TRIM71: variants seen among roughly 807,000 people sequenced by gnomAD.
TRIM71 encodes E3 ubiquitin-protein ligase TRIM71.
A neutral mutation model predicts 61.2 loss-of-function variants in TRIM71; 9 were observed. That is an observed-to-expected ratio of 0.15 (90% CI 0.09 to 0.26). The LOEUF (loss-of-function observed/expected upper bound fraction) is 0.26, where lower values mean the gene tolerates loss of function less well. Among genes scored for constraint, TRIM71 ranks in the 10% least tolerant of loss-of-function variants. The pLI is 1.00. For missense variants in TRIM71, 998 were observed against 1,238.7 expected (o/e 0.81, Z 2.92); for synonymous variants, 645 against 553.2 (o/e 1.17, Z -2.33).
chr3:32,844,111 G>A (rs34153794), intron 1 of TRIM71, among the ~76,000 whole-genome samples: 39,049 of 152,078 alleles, frequency 0.26, 5,421 homozygotes, highest in Middle Eastern at 0.33. Flanking sequence ...TCGTTATTTT[G>A]TGTGGTTGTG....
chr3:32,881,009 TTA>T lies in TRIM71; in HGVS notation c.1021-4919_1021-4918del, dbSNP rs58964867. On this transcript the variant is annotated intron_variant, in intron 2 of 3. Coordinates refer to ENST00000383763, the MANE Select transcript of TRIM71 (RefSeq NM_001039111.3). ...TTCAGAGAAAGATGTGATGAAAATT[TTA>T]TATATGTATATATATATATTTTTTT... Among the ~76,000 whole-genome samples, 1,367 of 151,860 alleles carry T rather than the reference TTA, an allele frequency of 9.0e-3. 22 individuals carry two copies. The highest frequency in any genetic ancestry group is 0.031 in the African/African-American group (1,276 of 41,376).
intron 2 of TRIM71, among the ~76,000 whole-genome samples, chr3:32,884,004 C>T (rs1455809965): frequency 6.6e-6 from 1 of 152,170 alleles, no homozygotes; most frequent in Non-Finnish European, 1.5e-5. Flanking sequence ...TCTGGATCTA[C>T]CCAGTTCCCC....
chr3:32,873,816 A>C lies in TRIM71; in HGVS notation c.853-2A>C. 1 of 1,561,844 alleles carries C rather than the reference A, an allele frequency of 6.4e-7. No homozygotes were observed. Among genetic ancestry groups the C allele is most frequent in the South Asian group, 1.2e-5 (1 of 83,414 alleles). The stretch of plus-strand genomic sequence containing the variant: ...TATGCCTGTACCCTCTCTTGTCCCC[A>C]GGTGCTGCACCTGTACTGTGACACT... On this transcript the variant is annotated splice_acceptor_variant, in intron 1 of 3. Transcript: ENST00000383763. LOFTEE classifies it high-confidence loss of function.
intron 3 of TRIM71, among the ~76,000 whole-genome samples, chr3:32,887,599 G>A (rs1351024648): frequency 1.4e-5 from 2 of 148,102 alleles, no homozygotes; most frequent in Non-Finnish European, 3.0e-5. Flanking sequence ...GTTACTTTAA[G>A]ATATATAAGT....
chr3:32,844,101 T>A (rs1019553213), intron 1 of TRIM71, among the ~76,000 whole-genome samples: 6 of 152,116 alleles, frequency 3.9e-5, no homozygotes, highest in Admixed American at 3.9e-4. Context: ...TCTCGCGTCG[T>A]CGTTATTTTG....
chr3:32,842,558 T>C (rs1696418404), intron 1 of TRIM71, among the ~76,000 whole-genome samples: 1 of 152,238 alleles, frequency 6.6e-6, no homozygotes, highest in African/African-American at 2.4e-5. Flanking sequence ...CCATGTATGC[T>C]CTGTCCCTTC....
intron 1 of TRIM71, among the ~76,000 whole-genome samples, chr3:32,867,511 G>A (rs114866330): frequency 0.012 from 1,763 of 152,060 alleles, 34 homozygotes; most frequent in African/African-American, 0.038. Flanking sequence ...GGAGTGCGGC[G>A]GTGCGATCAT....
rs982547685 is a variant in TRIM71, at chr3:32,897,304, A to G, written c.*5493A>G. ...TGTATTTGTCCAAGGCAGACATGAT[A>G]TAAGGAATATGCACTACCGTAGTAA... is the stretch of plus-strand genomic sequence containing the variant. On this transcript the variant is annotated 3_prime_UTR_variant, in exon 4 of 4. Coordinates refer to ENST00000383763, the MANE Select transcript of TRIM71 (RefSeq NM_001039111.3). The G allele has an allele frequency of 2.6e-5, 4 of 152,108 alleles. No individual in the cohort carries two copies. Among genetic ancestry groups the G allele is most frequent in the African/African-American group, 7.2e-5 (3 of 41,402 alleles). 9.4% of individuals were successfully genotyped at this position (152,108 alleles called of 1,614,324 possible).
Position 32,894,597 on chromosome 3 carries a change from A to G in TRIM71, c.*2786A>G, listed in dbSNP as rs961713674. ...ATGGTGCATGACTGGTATTTGAGAA[A>G]CATGGTCACATTTGGAAAGCTTTTG... On this transcript the variant is annotated 3_prime_UTR_variant, in exon 4 of 4. Coordinates refer to ENST00000383763, the MANE Select transcript of TRIM71 (RefSeq NM_001039111.3). 7.2e-5 allele frequency: 11 copies of G among 152,236 alleles called. No homozygotes were observed. The highest frequency in any genetic ancestry group is 2.7e-4 in the African/African-American group (11 of 41,466). 9.4% of individuals were successfully genotyped at this position (152,236 alleles called of 1,614,324 possible). A position where few individuals can be genotyped will look rare whatever the true frequency, so the allele number is the denominator to read the frequency against.
chr3:32,870,968 AT>A (rs537452978), intron 1 of TRIM71, among the ~76,000 whole-genome samples: 2,850 of 137,706 alleles, frequency 0.021, 62 homozygotes, highest in Admixed American at 0.064. Context: ...ACGCCCAGCA[AT>A]TTTTTTTTTT....
chr3:32,833,182 TTTAAA>T (rs1696293322), intron 1 of TRIM71, among the ~76,000 whole-genome samples: 1 of 50,256 alleles, frequency 2.0e-5, no homozygotes, highest in East Asian at 1.5e-3. Flanking sequence ...AAACTCTGTC[TTTAAA>T]AAAAAAAAAA....
intron 1 of TRIM71, among the ~76,000 whole-genome samples, chr3:32,843,885 C>G (rs1400186552): frequency 6.6e-6 from 1 of 152,092 alleles, no homozygotes; most frequent in Admixed American, 6.6e-5. Flanking sequence ...CCCGCCCACC[C>G]TGCCTTTGTG....
chr3:32,884,677 G>T (rs1696941892), intron 2 of TRIM71, among the ~76,000 whole-genome samples: 1 of 152,128 alleles, frequency 6.6e-6, no homozygotes, highest in South Asian at 2.1e-4. Context: ...TGCTTTTTGG[G>T]TGGTGAAAAT....
chr3:32,824,026 G>C (rs369970327), intron 1 of TRIM71, among the ~76,000 whole-genome samples: 2 of 151,444 alleles, frequency 1.3e-5, no homozygotes, highest in Admixed American at 1.3e-4. Context: ...AGTGATCCGA[G>C]ATCGTGCCGC....
chr3:32,837,190 T>C (rs34010125), intron 1 of TRIM71, among the ~76,000 whole-genome samples: 40,259 of 152,176 alleles, frequency 0.26, 5,551 homozygotes, highest in Middle Eastern at 0.34. Flanking sequence ...GCGTATGCAA[T>C]GCCATCTTTA....
At chr3:32,867,163 C>T (rs1429530764) in intron 1 of TRIM71, among the ~76,000 whole-genome samples, 8 of 151,912 alleles carry the variant, frequency 5.3e-5, no homozygotes, top group Non-Finnish European at 4.4e-5. Flanking sequence ...GACACTCCCA[C>T]TTTTACCACC....
At position 32,890,282 on chromosome 3, in the gene TRIM71, T is replaced by A; in HGVS notation, c.1156-78T>A. ...TGTTTGTCTGATGCTTCCTTGTGATTAGTTGTGGCTTATGTGGTATTTTCT... is the reference window on the plus strand; with the variant it reads ...TGTTTGTCTGATGCTTCCTTGTGATAAGTTGTGGCTTATGTGGTATTTTCT... On this transcript the variant is annotated intron_variant, in intron 3 of 3. Coordinates refer to ENST00000383763, the MANE Select transcript of TRIM71 (RefSeq NM_001039111.3). The surrounding 1 kb of genome is among the most constrained non-coding windows in gnomAD (Gnocchi z 6.2). 3 of 1,505,906 alleles carry A rather than the reference T, an allele frequency of 2.0e-6. No homozygotes were observed. Among genetic ancestry groups the A allele is most frequent in the Non-Finnish European group, 2.7e-6 (3 of 1,116,952 alleles). 93.3% of individuals were successfully genotyped at this position (1,505,906 alleles called of 1,614,324 possible).
rs755970557 is a variant in TRIM71, at chr3:32,873,767, C to G, written c.853-51C>G. ...GGCCCTCCAGTTGCTGTCTTCCCTCCTCCTCCCGTCCTGCATCTCCATTTA... is the reference window on the plus strand; with the variant it reads ...GGCCCTCCAGTTGCTGTCTTCCCTCGTCCTCCCGTCCTGCATCTCCATTTA... On this transcript the variant is annotated intron_variant, in intron 1 of 3. Transcript: ENST00000383763. 5.0e-6 allele frequency: 7 copies of G among 1,413,106 alleles called. No individual in the cohort carries two copies. In the South Asian group the frequency reaches 1.3e-4, roughly 26 times the overall value. 87.5% of individuals were successfully genotyped at this position (1,413,106 alleles called of 1,614,324 possible).
chr3:32,840,100 G>A (rs1696386789), intron 1 of TRIM71, among the ~76,000 whole-genome samples: 1 of 152,208 alleles, frequency 6.6e-6, no homozygotes, highest in Non-Finnish European at 1.5e-5. Flanking sequence ...GCCTCTGCAA[G>A]CCTCCTCCAA....
Sources: gnomAD v4.1 joint callset for allele counts (sites outside exome capture counted in the v4.1 genomes callset) on GRCh38, gnomAD v4.1.1 for gene constraint, Gnocchi (gnomAD v3.1) non-coding constraint, MANE v1.5 for transcripts, NCBI Gene and HGNC (gene_info 2026-07-23, HGNC 2026-07-21) for gene names.